Variants in GRIK4 observed in about 807,000 individuals in gnomAD.
GRIK4 encodes the protein glutamate receptor ionotropic, kainate 4.
Under a neutral mutation model 104.9 loss-of-function variants are expected in GRIK4, and 40 were observed. The ratio of observed to expected loss-of-function variants is 0.38; its 90% confidence interval spans 0.30 to 0.50. The LOEUF (loss-of-function observed/expected upper bound fraction) is 0.50, where lower values mean the gene tolerates loss of function less well. GRIK4 is among the 20% of genes least tolerant of loss of function. GRIK4 has a pLI of 0.93. For synonymous variants in GRIK4, 485 were observed against 524.9 expected (o/e 0.92, Z 1.04); for missense variants, 1,047 against 1,308.1 (o/e 0.80, Z 3.08).
At chr11:120,779,082 A>G (rs931278689) in intron 3 of GRIK4, among the ~76,000 whole-genome samples, 8 of 152,146 alleles carry the variant, frequency 5.3e-5, no homozygotes, top group South Asian at 4.2e-4. Flanking sequence ...TTGTGGGTTC[A>G]TTCCTTCATG....
At chr11:120,923,059 C>G (rs1310410711) in intron 13 of GRIK4, among the ~76,000 whole-genome samples, 2 of 152,228 alleles carry the variant, frequency 1.3e-5, no homozygotes, top group Non-Finnish European at 2.9e-5. Context: ...GGCGACAGAA[C>G]AGTGGGACAG....
chr11:120,687,667 A>T (rs899415391), intron 3 of GRIK4, among the ~76,000 whole-genome samples: 1 of 152,156 alleles, frequency 6.6e-6, no homozygotes, highest in African/African-American at 2.4e-5. Flanking sequence ...TGTTTTACTC[A>T]TTGCTAGGCA....
intron 7 of GRIK4, 50 bp downstream of exon 7, chr11:120,832,080 C>G (rs368255398): frequency 1.5e-4 from 202 of 1,349,184 alleles, no homozygotes; most frequent in Admixed American, 5.3e-4. Flanking sequence ...CACCCTCCCC[C>G]CTCCTTGCCT....
At chr11:120,823,822 C>A (rs111543826) in intron 6 of GRIK4, among the ~76,000 whole-genome samples, 2 of 152,206 alleles carry the variant, frequency 1.3e-5, no homozygotes, top group African/African-American at 4.8e-5. Context: ...GCGGACTTGG[C>A]AGGCACACAA....
intron 13 of GRIK4, among the ~76,000 whole-genome samples, chr11:120,913,457 G>A (rs1022121770): frequency 1.3e-5 from 2 of 151,632 alleles, no homozygotes; most frequent in Middle Eastern, 3.4e-3. Context: ...GTAGTACCCT[G>A]GAAGGTACAA....
chr11:120,824,548 C>CTCTTTT (rs1391390503), intron 6 of GRIK4, among the ~76,000 whole-genome samples: 2 of 131,174 alleles, frequency 1.5e-5, no homozygotes, highest in Non-Finnish European at 3.4e-5. Context: ...TTTTTTTTTT[C>CTCTTTT]TTTTCTTTTT....
intron 8 of GRIK4, among the ~76,000 whole-genome samples, chr11:120,843,775 A>G (rs112495018): frequency 3.5e-4 from 53 of 152,106 alleles, no homozygotes; most frequent in Non-Finnish European, 6.5e-4. Flanking sequence ...GACCTGTTTC[A>G]TCCTATATGT....
intron 13 of GRIK4, among the ~76,000 whole-genome samples, chr11:120,914,855 G>T (rs1037416584): frequency 1.3e-5 from 2 of 152,192 alleles, no homozygotes; most frequent in Non-Finnish European, 2.9e-5. Flanking sequence ...GAGGTGGGAA[G>T]ACCAGATGCA....
intron 3 of GRIK4, among the ~76,000 whole-genome samples, chr11:120,710,525 T>A (rs1950713730): frequency 6.6e-6 from 1 of 152,126 alleles, no homozygotes; most frequent in Admixed American, 6.5e-5. Flanking sequence ...GGCCCCCCCA[T>A]TCCAGCTGTG....
intron 1 of GRIK4, among the ~76,000 whole-genome samples, chr11:120,606,701 A>C (rs2135140183): frequency 6.6e-6 from 1 of 152,342 alleles, no homozygotes; most frequent in East Asian, 1.9e-4. Flanking sequence ...AGCTGTGAGC[A>C]TGGAGAGGAG....
intron 3 of GRIK4, among the ~76,000 whole-genome samples, chr11:120,721,762 A>G (rs1200499563): frequency 2.0e-5 from 3 of 152,128 alleles, no homozygotes; most frequent in African/African-American, 7.2e-5. Flanking sequence ...TTCTCAGAAA[A>G]TGCCCTTGTG....
At chr11:120,787,220 A>G (rs1057503659) in intron 3 of GRIK4, among the ~76,000 whole-genome samples, 2 of 151,714 alleles carry the variant, frequency 1.3e-5, no homozygotes, top group Admixed American at 6.6e-5. Flanking sequence ...GGTCCCAGCT[A>G]TTCACGGCTG....
intron 3 of GRIK4, among the ~76,000 whole-genome samples, chr11:120,756,289 A>G (rs1407597979): frequency 1.3e-5 from 2 of 152,106 alleles, no homozygotes; most frequent in Non-Finnish European, 2.9e-5. Context: ...GATGGCTGGG[A>G]CCCCATGTCC....
chr11:120,905,487 C>G lies in GRIK4; in HGVS notation c.1470C>G (p.Ile490Met). 1.5e-6 allele frequency: 2 copies of G among 1,356,478 alleles called. No individual in the cohort carries two copies. Among genetic ancestry groups the G allele is most frequent in the Non-Finnish European group, 9.8e-7 (1 of 1,015,540 alleles). The allele number at this position is 1,356,478 out of a possible 1,614,324, so 84.0% of individuals were successfully genotyped here. A position where few individuals can be genotyped will look rare whatever the true frequency, so the allele number is the denominator to read the frequency against. ...GGACGGGAATGGTCGGGGAGCTGAT[C>G]GCTAGGGTAAGGAGAGGACAAGTGA... ...GTWTGMVGEL[I>M]ARKADLAVAG... Residue 490 changes from isoleucine (I) to methionine (M), a missense_variant, in exon 13 of 21, where the codon ATC becomes ATG. This residue lies in a region of GRIK4 where 440 missense variants were observed against 652.3 expected (regional missense o/e 0.67). Transcript: ENST00000527524. The surrounding 1 kb of genome is among the most constrained non-coding windows in gnomAD (Gnocchi z 5.1).
intron 3 of GRIK4, among the ~76,000 whole-genome samples, chr11:120,693,158 G>A (rs1355022009): frequency 6.6e-6 from 1 of 152,000 alleles, no homozygotes; most frequent in Non-Finnish European, 1.5e-5. Context: ...AGGCTGGAGT[G>A]CAGTGGTGCA....
intron 1 of GRIK4, among the ~76,000 whole-genome samples, chr11:120,646,308 T>A (rs1176626667): frequency 6.6e-6 from 1 of 152,196 alleles, no homozygotes; most frequent in Non-Finnish European, 1.5e-5. Context: ...ACTTTGTGAA[T>A]GGGGAAACTG....
intron 19 of GRIK4, among the ~76,000 whole-genome samples, chr11:120,978,488 A>G (rs1944598606): frequency 6.6e-6 from 1 of 152,180 alleles, no homozygotes; most frequent in Non-Finnish European, 1.5e-5. Flanking sequence ...GTGTGCTGGG[A>G]ACTATAAACA....
intron 11 of GRIK4, among the ~76,000 whole-genome samples, chr11:120,883,465 G>A (rs1384531402): frequency 1.3e-5 from 2 of 152,100 alleles, no homozygotes; most frequent in Non-Finnish European, 2.9e-5. Context: ...TCACTAAAAG[G>A]CTCTGAAATA....
chr11:120,929,302 ATG>A (rs1360843218), intron 13 of GRIK4, among the ~76,000 whole-genome samples: 1 of 152,112 alleles, frequency 6.6e-6, no homozygotes, highest in Non-Finnish European at 1.5e-5. Context: ...GTTCTCAGGC[ATG>A]TGACGCTGAA....
Sources: allele counts gnomAD v4.1 joint callset (sites outside exome capture counted in the v4.1 genomes callset), GRCh38; gene constraint gnomAD v4.1.1; regional missense constraint gnomAD v4.1.1; non-coding constraint Gnocchi (gnomAD v3.1); transcripts MANE v1.5; gene names NCBI Gene and HGNC (gene_info 2026-07-23, HGNC 2026-07-21).